Variants in GLIS3 observed in about 807,000 individuals in gnomAD.
GLIS3 encodes the protein GLIS family zinc finger 3.
Under a neutral mutation model 78.6 loss-of-function variants are expected in GLIS3, and 53 were observed. The observed-to-expected ratio is 0.67, with a 90% CI of 0.54 to 0.85. GLIS3 has a LOEUF of 0.85. Among genes scored for constraint, GLIS3 ranks in the 40% least tolerant of loss-of-function variants. GLIS3 has a pLI of 0.00. For synonymous variants in GLIS3, 684 were observed against 509.9 expected, an observed-to-expected ratio of 1.34 and a Z score of -4.60; for missense variants, 1,703 against 1,231.1, an observed-to-expected ratio of 1.38 and a Z score of -5.74.
chr9:4,041,809 A>G (rs1824835355), intron 4 of GLIS3, among the ~76,000 whole-genome samples: 1 of 152,206 alleles, frequency 6.6e-6, no homozygotes, highest in South Asian at 2.1e-4. Context: ...TTTCCTTAAA[A>G]GATAAATGAC....
chr9:3,945,212 T>C (rs1816212075), intron 4 of GLIS3, among the ~76,000 whole-genome samples: 1 of 152,264 alleles, frequency 6.6e-6, no homozygotes, highest in South Asian at 2.1e-4. Flanking sequence ...TCTGTGTACC[T>C]GTGTTTCTGA....
intron 2 of GLIS3, among the ~76,000 whole-genome samples, chr9:4,244,979 G>A (rs1393782824): frequency 3.3e-5 from 5 of 152,116 alleles, no homozygotes; most frequent in Non-Finnish European, 1.5e-5. Flanking sequence ...TTATAGAAGA[G>A]TTATCCAAGA....
At chr9:4,006,178 T>C (rs760539197) in intron 4 of GLIS3, among the ~76,000 whole-genome samples, 2 of 152,084 alleles carry the variant, frequency 1.3e-5, no homozygotes, top group South Asian at 2.1e-4. Context: ...GGATCTCTAA[T>C]GTTAGGCCCT....
At chr9:4,473,689 T>G in the GLIS3 span, among the ~76,000 whole-genome samples, 3 of 152,002 alleles carry the variant, frequency 2.0e-5, no homozygotes, top group African/African-American at 7.2e-5. Flanking sequence ...TAACTAAGCT[T>G]AATACCAGGG....
At chr9:4,326,707 A>G (rs1817605212) in intron 2 of GLIS3, among the ~76,000 whole-genome samples, 1 of 152,214 alleles carries the variant, frequency 6.6e-6, no homozygotes, top group African/African-American at 2.4e-5. Context: ...TGTTTTATAT[A>G]TTTTATCACA....
At chr9:4,260,160 C>G (rs1825373548) in intron 2 of GLIS3, among the ~76,000 whole-genome samples, 1 of 152,196 alleles carries the variant, frequency 6.6e-6, no homozygotes, top group Admixed American at 6.5e-5. Context: ...GACATTGGGC[C>G]AGGCCCGATG....
chr9:4,401,019 T>C, the GLIS3 span, among the ~76,000 whole-genome samples: 1 of 152,094 alleles, frequency 6.6e-6, no homozygotes, highest in African/African-American at 2.4e-5. Flanking sequence ...ATTCTTCTGT[T>C]TGAGAAAAGC....
At chr9:4,074,706 T>G (rs1050208903) in intron 4 of GLIS3, among the ~76,000 whole-genome samples, 1 of 152,200 alleles carries the variant, frequency 6.6e-6, no homozygotes, top group Non-Finnish European at 1.5e-5. Context: ...CACCTTTTCT[T>G]AGATAGCATT....
rs544072487 is a variant in GLIS3 at position 3,922,960 on chromosome 9, C to A, written c.1983+9400G>T. Among the ~76,000 whole-genome samples the A allele has an allele frequency of 9.1e-4, 138 of 152,212 alleles. 1 individual carries two copies. The highest frequency in any genetic ancestry group is 1.5e-3 in the Non-Finnish European group (102 of 68,008). ...GGGTCATTGGGAACAACCAGAGAAT[C>A]CTCATTTCCTTTTTAGATACCATTA... On this transcript the variant is annotated intron_variant, in intron 6 of 10. Transcript: ENST00000381971.
chr9:4,098,544 T>C (rs777964431), intron 4 of GLIS3, among the ~76,000 whole-genome samples: 32 of 152,294 alleles, frequency 2.1e-4, no homozygotes, highest in African/African-American at 7.5e-4. Context: ...GAGAGATTAA[T>C]TGGATGGGAA....
At chr9:4,229,708 AAAAG>A (rs781433353) in intron 2 of GLIS3, among the ~76,000 whole-genome samples, 8 of 152,360 alleles carry the variant, frequency 5.3e-5, no homozygotes, top group Non-Finnish European at 8.8e-5. Flanking sequence ...ATTCAAAAGT[AAAAG>A]AAAGAGAACT....
intron 3 of GLIS3, among the ~76,000 whole-genome samples, chr9:4,123,171 T>G (rs960433949): frequency 3.3e-5 from 5 of 152,160 alleles, no homozygotes; most frequent in African/African-American, 1.2e-4. Context: ...AAAACTTTAA[T>G]ATTGTCAATA....
At chr9:3,992,359 A>C (rs546632197) in intron 4 of GLIS3, among the ~76,000 whole-genome samples, 296 of 152,344 alleles carry the variant, frequency 1.9e-3, no homozygotes, top group Non-Finnish European at 3.2e-3. Context: ...TTGTCTGTGT[A>C]ATGATAGTTG....
At chr9:4,064,264 A>G (rs889823823) in intron 4 of GLIS3, among the ~76,000 whole-genome samples, 1 of 152,192 alleles carries the variant, frequency 6.6e-6, no homozygotes, top group African/African-American at 2.4e-5. Context: ...AAGATAGGTG[A>G]AGAAAAATTA....
rs566168455 is a variant in GLIS3 at position 4,239,415 on chromosome 9, G to T, written c.388+46623C>A. On this transcript the variant is annotated intron_variant, in intron 2 of 10. Transcript: ENST00000381971. Reference sequence around the variant, plus strand: ...AGGAAGATGAAGTTGTTAGACTACTGTATTCGTATTCCAATGAACGAACCT... The same window carrying T: ...AGGAAGATGAAGTTGTTAGACTACTTTATTCGTATTCCAATGAACGAACCT... 1.3e-3 allele frequency among the ~76,000 whole-genome samples: 201 copies of T among 151,198 alleles called. 1 individual carries two copies. The highest frequency in any genetic ancestry group is 2.2e-3 in the Non-Finnish European group (148 of 67,880).
chr9:3,996,762 T>G (rs1025771418), intron 4 of GLIS3, among the ~76,000 whole-genome samples: 1 of 152,016 alleles, frequency 6.6e-6, no homozygotes, highest in Non-Finnish European at 1.5e-5. Flanking sequence ...TTTAGAAGAA[T>G]AATAAAGTTA....
At chr9:4,310,951 T>C (rs1817342227) in intron 2 of GLIS3, among the ~76,000 whole-genome samples, 2 of 152,242 alleles carry the variant, frequency 1.3e-5, no homozygotes, top group African/African-American at 2.4e-5. Flanking sequence ...TTTGGACCCA[T>C]TCTGCATTCA....
chr9:4,353,237 C>T (rs140808761), upstream of GLIS3, among the ~76,000 whole-genome samples: 6 of 152,272 alleles, frequency 3.9e-5, no homozygotes, highest in Non-Finnish European at 8.8e-5. Flanking sequence ...CCCTACCAGC[C>T]AGGCAAAACC....
rs1391511977 is a variant in GLIS3, at chr9:3,827,495, T to G, written c.*777A>C. ...TTTCCCTCAGGTAACCTTTGCTAAC[T>G]GCAAAACTAACATGCTAGAGGTGGG... On this transcript the variant is annotated 3_prime_UTR_variant, in exon 11 of 11. Coordinates refer to ENST00000381971, the MANE Select transcript of GLIS3 (RefSeq NM_001042413.2). 6.6e-6 allele frequency: 1 copy of G among 152,404 alleles called. No individual in the cohort carries two copies. The allele number at this position is 152,404 out of a possible 1,614,324, so 9.4% of individuals were successfully genotyped here.
Sources: gnomAD v4.1 joint callset for allele counts (sites outside exome capture counted in the v4.1 genomes callset) on GRCh38, gnomAD v4.1.1 for gene constraint, MANE v1.5 for transcripts, NCBI Gene and HGNC (gene_info 2026-07-23, HGNC 2026-07-21) for gene names.